Variants in DNAH8 observed in about 807,000 individuals in gnomAD.
DNAH8 encodes the protein dynein axonemal heavy chain 8.
DNAH8 carries 382 observed loss-of-function variants against 562.1 expected under a neutral mutation model. That is an observed-to-expected ratio of 0.68 (90% CI 0.63 to 0.74). The LOEUF is 0.74. DNAH8 is among the 30% of genes least tolerant of loss of function. The pLI, the probability that DNAH8 is intolerant of heterozygous loss-of-function variation, is 0.00. For synonymous variants in DNAH8, 1,881 were observed against 1,919.4 expected, an observed-to-expected ratio of 0.98 and a Z score of 0.52; for missense variants, 5,203 against 5,620.4, an observed-to-expected ratio of 0.93 and a Z score of 2.37.
chr6:38,847,860 GT>G (rs1456089393), intron 36 of DNAH8, among the ~76,000 whole-genome samples: 1 of 152,094 alleles, frequency 6.6e-6, no homozygotes, highest in Non-Finnish European at 1.5e-5. Context: ...GTCCTCCTTT[GT>G]TGTGCTCAGC....
intron 66 of DNAH8, among the ~76,000 whole-genome samples, chr6:38,912,933 C>T (rs1274861868): frequency 6.6e-6 from 1 of 152,040 alleles, no homozygotes; most frequent in Non-Finnish European, 1.5e-5. Context: ...CCTCAGCCTC[C>T]CAAGTAACTG....
intron 88 of DNAH8, among the ~76,000 whole-genome samples, chr6:39,004,349 G>T (rs1765667427): frequency 6.6e-6 from 1 of 152,082 alleles, no homozygotes; most frequent in Admixed American, 6.6e-5. Flanking sequence ...GACATACAAT[G>T]ATTGTTTTAT....
chr6:38,873,725 CCT>C (rs1777653906), intron 52 of DNAH8, among the ~76,000 whole-genome samples: 2 of 88,802 alleles, frequency 2.3e-5, no homozygotes, highest in South Asian at 1.0e-3. Flanking sequence ...AACACATACA[CCT>C]ACACACACAC....
At chr6:38,727,039 G>A (rs751304487) in intron 3 of DNAH8, among the ~76,000 whole-genome samples, 4 of 151,776 alleles carry the variant, frequency 2.6e-5, no homozygotes, top group Admixed American at 6.6e-5. Context: ...TGTATTTTTA[G>A]TAGAGACGGG....
chr6:38,876,758 A>C (rs1035587982), intron 53 of DNAH8, among the ~76,000 whole-genome samples: 15 of 152,194 alleles, frequency 9.9e-5, no homozygotes, highest in Admixed American at 3.9e-4. Flanking sequence ...GGCCTTCCCC[A>C]CACTGGCAAG....
chr6:38,765,200 A>G (rs1242684298), intron 11 of DNAH8, among the ~76,000 whole-genome samples: 1 of 152,122 alleles, frequency 6.6e-6, no homozygotes, highest in Non-Finnish European at 1.5e-5. Context: ...AGTTCCTTAT[A>G]TATTTTGGGA....
Position 38,745,120 on chromosome 6 carries a change from A to G in DNAH8, c.1293+3233A>G, listed in dbSNP as rs114857503. Among the ~76,000 whole-genome samples the G allele has an allele frequency of 1.6e-3, 248 of 152,318 alleles. 1 individual carries two copies. The highest frequency in any genetic ancestry group is 5.4e-3 in the African/African-American group (225 of 41,572). ...CCCCAGACAAAGAGCAGAATTACTT[A>G]CCGCTTACTGTAAAAAGGATAAATT... On this transcript the variant is annotated intron_variant, in intron 8 of 92. Coordinates refer to ENST00000327475, the MANE Select transcript of DNAH8 (RefSeq NM_001206927.2).
chr6:38,870,443 C>G lies in DNAH8; in HGVS notation c.6871C>G (p.Leu2291Val), dbSNP rs1245874391. The G allele has an allele frequency of 6.2e-7, 1 of 1,614,046 alleles. No individual in the cohort carries two copies. Among genetic ancestry groups the G allele is most frequent in the Non-Finnish European group, 8.5e-7 (1 of 1,179,942 alleles). Residue 2291 changes from leucine (L) to valine (V), a missense_variant, in exon 49 of 93, where the codon CTG becomes GTG. By Grantham distance (32) the Leu-to-Val change is conservative (BLOSUM62 1). Around this residue, in one of 6 missense-constraint regions of DNAH8, gnomAD observed 2,176 missense variants for 2,365.1 expected, o/e 0.92. Coordinates refer to ENST00000327475, the MANE Select transcript of DNAH8 (RefSeq NM_001206927.2). ...CCTGTTCCTCAGCTTAATCAATGAC[C>G]TGTTCCCAGGACTGCAACTGGATAG... ...EPLFLSLIND[L>V]FPGLQLDSNT...
intron 88 of DNAH8, among the ~76,000 whole-genome samples, chr6:39,004,979 A>G (rs1561966478): frequency 1.3e-5 from 2 of 152,204 alleles, no homozygotes; most frequent in African/African-American, 4.8e-5. Flanking sequence ...ACTGCTATGA[A>G]CATTCATGTG....
In DNAH8 at chr6:38,872,637, A is replaced by C. The variant is rs537105066; in HGVS notation, c.7092A>C (p.Glu2364Asp). 1.9e-6 allele frequency: 3 copies of C among 1,614,160 alleles called. No homozygotes were observed. Among genetic ancestry groups the C allele is most frequent in the Non-Finnish European group, 1.7e-6 (2 of 1,179,992 alleles). ...CGATTCTAATGAAGGCGCAAACAGA[A>C]TGCGGAAGGCCTCATAGAGAAATGC... ...VITILMKAQTECGRPHREMRM... is the reference protein window; with the variant it reads ...VITILMKAQTDCGRPHREMRM... The change falls in exon 50 of 93, where the codon GAA (glutamate) becomes GAC (aspartate). Residue 2364 changes from glutamate (E) to aspartate (D), a missense_variant. Around this residue, in one of 6 missense-constraint regions of DNAH8, gnomAD observed 2,176 missense variants for 2,365.1 expected, o/e 0.92. Transcript: ENST00000327475.
At chr6:38,887,438 A>G (rs1163186391) in intron 57 of DNAH8, among the ~76,000 whole-genome samples, 3 of 151,906 alleles carry the variant, frequency 2.0e-5, no homozygotes, top group African/African-American at 7.3e-5. Flanking sequence ...TGTGTAGGTC[A>G]GCCCATGCCT....
At position 38,872,766 on chromosome 6, in the gene DNAH8, A is replaced by G. The variant is rs755816030; in HGVS notation, c.7221A>G (p.Thr2407=). 36 of 1,614,046 alleles carry G rather than the reference A, an allele frequency of 2.2e-5. No individual in the cohort carries two copies. The East Asian group carries it at 7.4e-4, about 33-fold the overall frequency. The change falls in exon 50 of 93, where the codon ACA becomes ACG. Residue 2407 remains threonine, a synonymous_variant. Transcript: ENST00000327475. ...TTTTTTCTACTCTGTGGAGAAAAAC[A>G]TTAAAAGCTAAAAAAGGTATACACA... ...DGIFSTLWRK[T]LKAKKGENIF... is the part of the protein sequence containing the mutation.
chr6:38,846,561 A>G (rs1358134531), intron 36 of DNAH8, among the ~76,000 whole-genome samples: 1 of 152,180 alleles, frequency 6.6e-6, no homozygotes, highest in Non-Finnish European at 1.5e-5. Context: ...GTATTTGCAT[A>G]ATGACAAAGC....
chr6:38,828,439 A>G (rs1773556456), intron 30 of DNAH8, 151 bp downstream of exon 30: 1 of 524,736 alleles, frequency 1.9e-6, no homozygotes. Context: ...CGGTGATCTC[A>G]TAAGATTATA....
intron 82 of DNAH8, among the ~76,000 whole-genome samples, chr6:38,953,737 A>G (rs1332866410): frequency 2.0e-5 from 3 of 152,164 alleles, no homozygotes; most frequent in Admixed American, 6.5e-5. Context: ...ACCGAACAAC[A>G]TGTTAATGTA....
chr6:38,869,159 G>A (rs1210528531), intron 48 of DNAH8, among the ~76,000 whole-genome samples: 2 of 152,182 alleles, frequency 1.3e-5, no homozygotes, highest in African/African-American at 4.8e-5. Flanking sequence ...AGTCTTTTCA[G>A]GTGTATCGTC....
At chr6:38,986,039 C>A (rs934181700) in intron 87 of DNAH8, among the ~76,000 whole-genome samples, 2 of 152,182 alleles carry the variant, frequency 1.3e-5, no homozygotes, top group Non-Finnish European at 2.9e-5. Context: ...CTATTGCTCA[C>A]CCTTGTGGGG....
rs377122038 is a variant in DNAH8 at position 38,757,843 on chromosome 6, A to G, written c.1515+1764A>G. Among the ~76,000 whole-genome samples the G allele has an allele frequency of 3.9e-5, 6 of 152,166 alleles. 1 individual carries two copies. The East Asian group carries it at 1.2e-3, about 29-fold the overall frequency. ...GATCAGATAGTTGTAGATATGCGGC[A>G]TTATTTCTGAGGGCTCTGTTCTGTT... On this transcript the variant is annotated intron_variant, in intron 10 of 92. Coordinates refer to ENST00000327475, the MANE Select transcript of DNAH8 (RefSeq NM_001206927.2).
chr6:38,892,458 T>G (rs1779401707), intron 58 of DNAH8, among the ~76,000 whole-genome samples: 1 of 152,134 alleles, frequency 6.6e-6, no homozygotes, highest in Non-Finnish European at 1.5e-5. Flanking sequence ...GCTTCTTAGG[T>G]TAAAATTACT....
Sources: allele counts gnomAD v4.1 joint callset (sites outside exome capture counted in the v4.1 genomes callset), GRCh38; gene constraint gnomAD v4.1.1; regional missense constraint gnomAD v4.1.1; transcripts MANE v1.5; gene names NCBI Gene and HGNC (gene_info 2026-07-23, HGNC 2026-07-21).